Variants in TAFA1 observed in about 807,000 individuals in gnomAD.
TAFA1 encodes chemokine-like protein TAFA-1.
A neutral mutation model predicts 18.5 loss-of-function variants in TAFA1; 4 were observed. The observed-to-expected ratio is 0.22, with a 90% CI of 0.11 to 0.49. The LOEUF is 0.49. TAFA1 is among the 20% of genes least tolerant of loss of function. TAFA1 has a pLI of 0.98. For synonymous variants in TAFA1, 56 were observed against 55.2 expected, an observed-to-expected ratio of 1.01 and a Z score of -0.06; for missense variants, 147 against 169.0, an observed-to-expected ratio of 0.87 and a Z score of 0.72.
At chr3:68,443,912 A>G (rs9990177) in intron 3 of TAFA1, among the ~76,000 whole-genome samples, 61,904 of 152,028 alleles carry the variant, frequency 0.41, 13,118 homozygotes, top group Middle Eastern at 0.43. Context: ...CAGGAGCAGA[A>G]TAACTGCAAT....
chr3:68,498,658 C>T (rs372933698), intron 3 of TAFA1, among the ~76,000 whole-genome samples: 1 of 144,890 alleles, frequency 6.9e-6, no homozygotes, highest in Non-Finnish European at 1.5e-5. Flanking sequence ...AAGGCTGATT[C>T]AAGTAGAGGA....
chr3:68,428,374 C>T lies in TAFA1; in HGVS notation c.259+10954C>T, dbSNP rs143581358. ...TTTATTAGCTGCCTTCAAGTGAAGACCATCCATTAACAGCAGCTAGATATT... is the reference window on the plus strand; with the variant it reads ...TTTATTAGCTGCCTTCAAGTGAAGATCATCCATTAACAGCAGCTAGATATT... On this transcript the variant is annotated intron_variant, in intron 3 of 4. Coordinates refer to ENST00000478136, the MANE Select transcript of TAFA1 (RefSeq NM_213609.4). Among the ~76,000 whole-genome samples, 174 of 151,952 alleles carry T rather than the reference C, an allele frequency of 1.1e-3. 1 individual carries two copies. Among genetic ancestry groups the T allele is most frequent in the African/African-American group, 4.0e-3 (166 of 41,526 alleles).
Position 68,288,742 on chromosome 3 carries a change from ACTG to A in TAFA1, c.119-128537_119-128535del, listed in dbSNP as rs1473683812. On this transcript the variant is annotated intron_variant, in intron 2 of 4. Coordinates refer to ENST00000478136, the MANE Select transcript of TAFA1 (RefSeq NM_213609.4). ...GAGAACTCCATCTGTATTAAATGCT[ACTG>A]TATGGGCAGATTCAATGACTTATTA... Among the ~76,000 whole-genome samples the A allele has an allele frequency of 2.6e-5, 4 of 152,322 alleles. No individual in the cohort carries two copies. The East Asian group carries it at 7.7e-4, about 29-fold the overall frequency.
chr3:68,096,419 A>G (rs1453045962), intron 2 of TAFA1, among the ~76,000 whole-genome samples: 2 of 152,126 alleles, frequency 1.3e-5, no homozygotes, highest in African/African-American at 4.8e-5. Flanking sequence ...GAATGTTCTC[A>G]TTTTACAGAT....
chr3:68,006,174 T>C (rs1704352771), intron 1 of TAFA1: 2 of 159,170 alleles, frequency 1.3e-5, no homozygotes, highest in Non-Finnish European at 2.8e-5. Flanking sequence ...TAAAAATTCA[T>C]GACTGTAGAA....
intron 2 of TAFA1, among the ~76,000 whole-genome samples, chr3:68,339,789 T>C (rs1486053841): frequency 1.3e-5 from 2 of 152,132 alleles, no homozygotes; most frequent in Non-Finnish European, 2.9e-5. Flanking sequence ...CTCTAATCAG[T>C]GGTATGCTGG....
At chr3:68,333,513 T>C (rs147303208) in intron 2 of TAFA1, among the ~76,000 whole-genome samples, 1 of 152,212 alleles carries the variant, frequency 6.6e-6, no homozygotes, top group East Asian at 1.9e-4. Context: ...AAAAAACTAT[T>C]GGGTACTATG....
At chr3:68,046,301 T>C (rs1359125159) in intron 2 of TAFA1, among the ~76,000 whole-genome samples, 1 of 152,198 alleles carries the variant, frequency 6.6e-6, no homozygotes, top group Non-Finnish European at 1.5e-5. Flanking sequence ...GTGACTCTGA[T>C]TGTAGGAGTA....
upstream of TAFA1, among the ~76,000 whole-genome samples, chr3:68,001,827 C>A (rs569862789): frequency 6.6e-6 from 1 of 152,268 alleles, no homozygotes; most frequent in South Asian, 2.1e-4. Context: ...AAAACTATTT[C>A]TTATTCACTA....
intron 3 of TAFA1, among the ~76,000 whole-genome samples, chr3:68,444,235 A>G (rs1302714133): frequency 6.6e-6 from 1 of 152,116 alleles, no homozygotes; most frequent in African/African-American, 2.4e-5. Context: ...TACGTTTTTT[A>G]AAAAAATCAG....
chr3:68,348,056 A>G (rs975741603), intron 2 of TAFA1, among the ~76,000 whole-genome samples: 3 of 152,180 alleles, frequency 2.0e-5, no homozygotes, highest in Non-Finnish European at 4.4e-5. Flanking sequence ...GAGCCTTTTC[A>G]TACCTTATCT....
chr3:68,072,265 A>G (rs2064764646), intron 2 of TAFA1, among the ~76,000 whole-genome samples: 1 of 152,174 alleles, frequency 6.6e-6, no homozygotes, highest in African/African-American at 2.4e-5. Context: ...AGATATCATG[A>G]GCAACAGCAC....
chr3:68,302,885 A>C (rs771367487), intron 2 of TAFA1, among the ~76,000 whole-genome samples: 1 of 152,230 alleles, frequency 6.6e-6, no homozygotes, highest in African/African-American at 2.4e-5. Flanking sequence ...TTCTAGAGCC[A>C]AAACACCTAA....
chr3:68,145,290 A>G, intron 2 of TAFA1: 1 of 789,504 alleles, frequency 1.3e-6, no homozygotes, highest in South Asian at 1.3e-5. Flanking sequence ...ATCAACGCTC[A>G]TCAGTGGTCT....
chr3:68,300,418 A>C (rs1353348214), intron 2 of TAFA1, among the ~76,000 whole-genome samples: 2 of 152,116 alleles, frequency 1.3e-5, no homozygotes, highest in African/African-American at 4.8e-5. Context: ...CATTTACCCA[A>C]TGCCGCTACC....
chr3:68,224,638 G>T (rs886447002), intron 2 of TAFA1, among the ~76,000 whole-genome samples: 2 of 152,134 alleles, frequency 1.3e-5, no homozygotes, highest in African/African-American at 4.8e-5. Flanking sequence ...AGTGATTAGA[G>T]TCACCCTCCT....
intron 2 of TAFA1, among the ~76,000 whole-genome samples, chr3:68,345,184 T>TGGAGATACCCTA (rs1178588742): frequency 3.9e-5 from 6 of 152,160 alleles, no homozygotes; most frequent in Non-Finnish European, 7.3e-5. Flanking sequence ...TGTGAACCTC[T>TGGAGATACCCTA]GGAGATACCC....
chr3:68,210,074 G>A (rs2066576941), intron 2 of TAFA1, among the ~76,000 whole-genome samples: 4 of 151,920 alleles, frequency 2.6e-5, no homozygotes, highest in Non-Finnish European at 1.5e-5. Context: ...AAAGAGAAAA[G>A]GAGAAAATAA....
intron 2 of TAFA1, among the ~76,000 whole-genome samples, chr3:68,329,278 G>C (rs1047956304): frequency 2.2e-5 from 3 of 137,696 alleles, no homozygotes; most frequent in Non-Finnish European, 4.5e-5. Context: ...ACGTTAGTCA[G>C]GCTGGCCTCG....
Sources: gnomAD v4.1 joint callset for allele counts (sites outside exome capture counted in the v4.1 genomes callset) on GRCh38, gnomAD v4.1.1 for gene constraint, MANE v1.5 for transcripts, NCBI Gene and HGNC (gene_info 2026-07-23, HGNC 2026-07-21) for gene names.